Variants in KIAA1671 observed in about 807,000 individuals in gnomAD.
The protein encoded by KIAA1671 is KIAA1671.
Under a neutral mutation model 131.2 loss-of-function variants are expected in KIAA1671, and 52 were observed. The ratio of observed to expected loss-of-function variants is 0.40; its 90% CI spans 0.32 to 0.50. The LOEUF (loss-of-function observed/expected upper bound fraction) is 0.50. Among genes scored for constraint, KIAA1671 ranks in the 20% least tolerant of loss-of-function variants. The pLI, the probability that KIAA1671 is intolerant of heterozygous loss-of-function variation, is 0.73. For missense variants in KIAA1671, 2,360 were observed against 2,364.2 expected, an observed-to-expected ratio of 1.00 and a Z score of 0.04; for synonymous variants, 1,003 against 961.6, an observed-to-expected ratio of 1.04 and a Z score of -0.80.
intron 6 of KIAA1671, among the ~76,000 whole-genome samples, chr22:25,146,030 G>T (rs5760877): frequency 0.1 from 15,257 of 152,100 alleles, 842 homozygotes; most frequent in East Asian, 0.16. Context: ...GTGCACATGT[G>T]TCTGTATGAA....
chr22:24,988,021 A>G (rs1923642813), intron 1 of KIAA1671, among the ~76,000 whole-genome samples: 1 of 151,788 alleles, frequency 6.6e-6, no homozygotes, highest in African/African-American at 2.4e-5. Flanking sequence ...CACGCCTGTA[A>G]TCCCAGCACT....
intron 4 of KIAA1671, among the ~76,000 whole-genome samples, chr22:25,035,415 C>G (rs1333306208): frequency 6.6e-6 from 1 of 152,102 alleles, no homozygotes; most frequent in Non-Finnish European, 1.5e-5. Flanking sequence ...ATGGTAGATG[C>G]ATGTTTTATG....
At chr22:25,049,980 T>C (rs1927448634) in intron 6 of KIAA1671, 2 of 152,406 alleles carry the variant, frequency 1.3e-5, no homozygotes, top group East Asian at 1.9e-4. Flanking sequence ...GGGATAATAA[T>C]AGTATCTACT....
At chr22:25,088,876 G>A (rs1259224970) in intron 6 of KIAA1671, among the ~76,000 whole-genome samples, 1 of 134,670 alleles carries the variant, frequency 7.4e-6, no homozygotes, top group Non-Finnish European at 1.7e-5. Flanking sequence ...ATGTACATAT[G>A]TACACACACA....
chr22:25,132,045 G>C (rs1327326202), intron 6 of KIAA1671, among the ~76,000 whole-genome samples: 3 of 152,196 alleles, frequency 2.0e-5, no homozygotes, highest in Admixed American at 2.0e-4. Flanking sequence ...TATGAGTGCT[G>C]TTATATTATT....
At position 24,958,479 on chromosome 22, in the gene KIAA1671, G is replaced by A. The variant is rs920190224; in HGVS notation, c.-208+5707G>A. Among the ~76,000 whole-genome samples the A allele has an allele frequency of 6.0e-5, 9 of 150,670 alleles. No homozygotes were observed. The East Asian group carries it at 9.9e-4, about 17-fold the overall frequency. Reference sequence around the variant, plus strand: ...AGCCTGGCCAACATGGTGAAACCCCGTCTCTACTAAAAATACAAAAATCAG... The same window carrying A: ...AGCCTGGCCAACATGGTGAAACCCCATCTCTACTAAAAATACAAAAATCAG... On this transcript the variant is annotated intron_variant, in intron 1 of 12. Coordinates refer to ENST00000358431, the MANE Select transcript of KIAA1671 (RefSeq NM_001145206.2).
chr22:25,008,706 A>G (rs1300275926), intron 1 of KIAA1671, among the ~76,000 whole-genome samples: 1 of 152,242 alleles, frequency 6.6e-6, no homozygotes, highest in Non-Finnish European at 1.5e-5. Context: ...GCTGTCTGGC[A>G]CAAAATCATT....
At chr22:25,037,355 A>T (rs1353495466) in intron 4 of KIAA1671, among the ~76,000 whole-genome samples, 3 of 152,108 alleles carry the variant, frequency 2.0e-5, no homozygotes, top group Non-Finnish European at 4.4e-5. Context: ...ATTGCAAAAA[A>T]ATATATATGT....
intron 1 of KIAA1671, among the ~76,000 whole-genome samples, chr22:24,970,022 C>T (rs1220506701): frequency 6.6e-6 from 1 of 152,196 alleles, no homozygotes; most frequent in East Asian, 1.9e-4. Context: ...GGGAGTTTGA[C>T]TCACACAAAG....
chr22:24,982,597 T>A (rs1335064598), intron 1 of KIAA1671, among the ~76,000 whole-genome samples: 1 of 152,234 alleles, frequency 6.6e-6, no homozygotes, highest in Admixed American at 6.5e-5. Context: ...CGGCCTTTGC[T>A]GGTCACTGGC....
chr22:25,118,015 G>A (rs1347866460), intron 6 of KIAA1671, among the ~76,000 whole-genome samples: 4 of 151,812 alleles, frequency 2.6e-5, no homozygotes, highest in Non-Finnish European at 5.9e-5. Context: ...ACGCATGCCT[G>A]TAATCCCAGC....
At chr22:25,034,787 G>C (rs1926498091) in intron 4 of KIAA1671, among the ~76,000 whole-genome samples, 1 of 151,844 alleles carries the variant, frequency 6.6e-6, no homozygotes, top group African/African-American at 2.4e-5. Flanking sequence ...GCCCAGGCTG[G>C]AGTGCAATGG....
At chr22:25,179,288 G>A in intron 9 of KIAA1671, 2 of 1,566,524 alleles carry the variant, frequency 1.3e-6, no homozygotes, top group Non-Finnish European at 1.7e-6. Flanking sequence ...TCGCAGGATG[G>A]GCGCCGCCCG....
At chr22:24,972,747 C>T (rs1011867199) in intron 1 of KIAA1671, among the ~76,000 whole-genome samples, 1 of 152,148 alleles carries the variant, frequency 6.6e-6, no homozygotes. Flanking sequence ...CTGTGCCAGG[C>T]ACTGTTCTGG....
At chr22:25,122,746 G>A (rs184657796) in intron 6 of KIAA1671, among the ~76,000 whole-genome samples, 4 of 152,244 alleles carry the variant, frequency 2.6e-5, no homozygotes, top group Admixed American at 1.3e-4. Context: ...AGGCCGAGGC[G>A]GGCCGATCAC....
In KIAA1671 at chr22:25,029,496, G is replaced by A; in HGVS notation, c.1497G>A (p.Arg499=). 6.4e-7 allele frequency: 1 copy of A among 1,550,532 alleles called. No homozygotes were observed. Among genetic ancestry groups the A allele is most frequent in the Admixed American group, 2.0e-5 (1 of 50,894 alleles). The stretch of plus-strand genomic sequence containing the variant: ...CAGAGGCTAAGCCCGAGGTCAGGAG[G>A]AGGACGTTCCAGGCTCGGCCGCTGT... The part of the protein sequence containing the change: ...ESSEAKPEVR[R]RTFQARPLSA... Residue 499 remains arginine (R), a synonymous_variant, in exon 3 of 13, where the codon AGG becomes AGA. Coordinates refer to ENST00000358431, the MANE Select transcript of KIAA1671 (RefSeq NM_001145206.2).
At chr22:25,163,330 A>ATTT in intron 6 of KIAA1671, among the ~76,000 whole-genome samples, 1 of 73,520 alleles carries the variant, frequency 1.4e-5, no homozygotes, top group African/African-American at 7.1e-5. Flanking sequence ...CATTGCCTCA[A>ATTT]ATTTTTTTTT....
At chr22:25,045,033 C>T (rs932196752) in intron 5 of KIAA1671, among the ~76,000 whole-genome samples, 1 of 151,976 alleles carries the variant, frequency 6.6e-6, no homozygotes, top group East Asian at 1.9e-4. Context: ...CAGTGGCGGG[C>T]GCCTGTAGTC....
rs1200814409 is a variant in KIAA1671 at position 25,194,428 on chromosome 22, C to T, written c.*2027C>T. Reference sequence around the variant, plus strand: ...TGACTTCTTATCTGGGCTGCTGTCTCTCTTTCCTTCAGGTGGAAAGGACCC... The same window carrying T: ...TGACTTCTTATCTGGGCTGCTGTCTTTCTTTCCTTCAGGTGGAAAGGACCC... On this transcript the variant is annotated 3_prime_UTR_variant, in exon 13 of 13. Transcript: ENST00000358431. 1 of 152,186 alleles carries T rather than the reference C, an allele frequency of 6.6e-6. No individual in the cohort carries two copies. The highest frequency in any genetic ancestry group is 1.9e-4 in the East Asian group (1 of 5,180). The allele number at this position is 152,186 out of a possible 1,614,324, so 9.4% of individuals were successfully genotyped here.
Sources: gnomAD v4.1 joint callset for allele counts (sites outside exome capture counted in the v4.1 genomes callset) on GRCh38, gnomAD v4.1.1 for gene constraint, MANE v1.5 for transcripts, NCBI Gene and HGNC (gene_info 2026-07-23, HGNC 2026-07-21) for gene names.